The following VMP1 variants were observed in gnomAD, a reference collection of about 807,000 sequenced individuals.
VMP1 encodes the protein ectopic P-granules autophagy protein 3 homolog.
Under a neutral mutation model 56.0 loss-of-function variants are expected in VMP1, and 11 were observed. That is an observed-to-expected ratio of 0.20 (90% CI 0.12 to 0.32). The LOEUF (loss-of-function observed/expected upper bound fraction) is 0.32, where lower values mean the gene tolerates loss of function less well. Among genes scored for constraint, VMP1 ranks in the 10% least tolerant of loss-of-function variants. VMP1 has a pLI of 1.00. For synonymous variants in VMP1, 149 were observed against 165.0 expected, an observed-to-expected ratio of 0.90 and a Z score of 0.74; for missense variants, 296 against 490.3, an observed-to-expected ratio of 0.60 and a Z score of 3.74.
At chr17:59,729,425 G>C (rs1156883969) in intron 1 of VMP1, among the ~76,000 whole-genome samples, 1 of 148,938 alleles carries the variant, frequency 6.7e-6, no homozygotes, top group Non-Finnish European at 1.5e-5. Context: ...AGAGGTTGCA[G>C]TGAGCCAAGA....
chr17:59,743,810 T>C (rs1366226363), intron 5 of VMP1, among the ~76,000 whole-genome samples: 1 of 152,052 alleles, frequency 6.6e-6, no homozygotes, highest in Non-Finnish European at 1.5e-5. Context: ...TGATTCCTTA[T>C]GATTTTCTAC....
chr17:59,828,381 A>G (rs1181002372), intron 10 of VMP1, among the ~76,000 whole-genome samples: 1 of 152,266 alleles, frequency 6.6e-6, no homozygotes, highest in Non-Finnish European at 1.5e-5. Context: ...GCTGTAAGGC[A>G]GTAGAAACAA....
chr17:59,795,449 C>T (rs1036697559), intron 7 of VMP1, among the ~76,000 whole-genome samples: 1 of 147,062 alleles, frequency 6.8e-6, no homozygotes, highest in African/African-American at 2.5e-5. Flanking sequence ...TATTTTCCTT[C>T]TTTCTCTCCC....
At chr17:59,823,320 G>A (rs1016747589) in intron 10 of VMP1, among the ~76,000 whole-genome samples, 9 of 151,768 alleles carry the variant, frequency 5.9e-5, no homozygotes, top group Non-Finnish European at 8.8e-5. Context: ...GCATGGTGCC[G>A]CATGCCTGTA....
chr17:59,751,801 T>G (rs1339635954), intron 5 of VMP1, among the ~76,000 whole-genome samples: 1 of 151,520 alleles, frequency 6.6e-6, no homozygotes, highest in African/African-American at 2.4e-5. Flanking sequence ...ATACCTTCTC[T>G]TTTTCATTTT....
chr17:59,756,797 C>T (rs974162150), intron 5 of VMP1, among the ~76,000 whole-genome samples: 9 of 152,124 alleles, frequency 5.9e-5, no homozygotes, highest in East Asian at 5.8e-4. Flanking sequence ...TTAGGTCTTT[C>T]GTTTTTAAAA....
intron 5 of VMP1, among the ~76,000 whole-genome samples, chr17:59,761,631 C>G (rs2036059437): frequency 6.6e-6 from 1 of 152,218 alleles, no homozygotes; most frequent in Non-Finnish European, 1.5e-5. Flanking sequence ...TCTACTCTAG[C>G]TGGTTGATCA....
chr17:59,836,398 A>G (rs2038982575), intron 10 of VMP1, among the ~76,000 whole-genome samples: 1 of 151,734 alleles, frequency 6.6e-6, no homozygotes, highest in African/African-American at 2.4e-5. Flanking sequence ...GGGTTTCACC[A>G]TGTTTCCCAG....
intron 5 of VMP1, among the ~76,000 whole-genome samples, chr17:59,755,121 T>C (rs1024215919): frequency 3.3e-5 from 5 of 151,774 alleles, no homozygotes; most frequent in African/African-American, 1.2e-4. Flanking sequence ...TTTTTCTTTT[T>C]TTTTTAGACG....
At chr17:59,806,849 C>T (rs1280869043) in intron 7 of VMP1, among the ~76,000 whole-genome samples, 1 of 151,798 alleles carries the variant, frequency 6.6e-6, no homozygotes, top group Non-Finnish European at 1.5e-5. Flanking sequence ...TAGAGTTTAG[C>T]TAATGATTAA....
chr17:59,734,935 T>G (rs2034962768), intron 2 of VMP1, among the ~76,000 whole-genome samples: 1 of 106,694 alleles, frequency 9.4e-6, no homozygotes, highest in Non-Finnish European at 1.8e-5. Context: ...TGAGACAGAG[T>G]CTCTTTCATT....
At chr17:59,800,045 A>T (rs1040774920) in intron 7 of VMP1, among the ~76,000 whole-genome samples, 20 of 152,288 alleles carry the variant, frequency 1.3e-4, no homozygotes, top group Admixed American at 1.0e-3. Flanking sequence ...GGAAGTCAAC[A>T]GTAAGAATAT....
chr17:59,741,345 A>G (rs16943818), intron 5 of VMP1, among the ~76,000 whole-genome samples: 5,618 of 152,270 alleles, frequency 0.037, 375 homozygotes, highest in African/African-American at 0.13. Context: ...TATGAGAGAC[A>G]CAAGCTTCCC....
At chr17:59,808,050 A>G (rs2037912095) in intron 7 of VMP1, among the ~76,000 whole-genome samples, 1 of 152,198 alleles carries the variant, frequency 6.6e-6, no homozygotes, top group Admixed American at 6.5e-5. Flanking sequence ...TGTAGCATCA[A>G]CATGCCGAAA....
chr17:59,763,211 C>T (rs2036119502), intron 5 of VMP1, among the ~76,000 whole-genome samples: 2 of 151,768 alleles, frequency 1.3e-5, no homozygotes, highest in Admixed American at 6.6e-5. Context: ...GTTTCACAAA[C>T]TATGCAGTTA....
At chr17:59,764,284 C>T (rs1198526601) in intron 5 of VMP1, among the ~76,000 whole-genome samples, 4 of 151,798 alleles carry the variant, frequency 2.6e-5, no homozygotes, top group Admixed American at 6.6e-5. Flanking sequence ...CAGTGGTTGC[C>T]GGGGACTAGG....
chr17:59,744,062 C>A (rs533001976), intron 5 of VMP1, among the ~76,000 whole-genome samples: 1 of 151,230 alleles, frequency 6.6e-6, no homozygotes, highest in African/African-American at 2.4e-5. Context: ...TGAGGAAGTA[C>A]CCCTCTGTGC....
At chr17:59,718,068 T>C (rs796215686) in intron 1 of VMP1, among the ~76,000 whole-genome samples, 8 of 152,148 alleles carry the variant, frequency 5.3e-5, no homozygotes, top group African/African-American at 1.9e-4. Flanking sequence ...TACCTGCTGA[T>C]CCATTATTGG....
At chr17:59,719,581 C>T (rs1204683585) in intron 1 of VMP1, among the ~76,000 whole-genome samples, 1 of 151,744 alleles carries the variant, frequency 6.6e-6, no homozygotes, top group African/African-American at 2.4e-5. Flanking sequence ...ACTTTCTTTT[C>T]CTTTTCTACC....
Sources: gnomAD v4.1 joint callset for allele counts (sites outside exome capture counted in the v4.1 genomes callset) on GRCh38, gnomAD v4.1.1 for gene constraint, MANE v1.5 for transcripts, NCBI Gene and HGNC (gene_info 2026-07-23, HGNC 2026-07-21) for gene names.